RPS6KA5: variants seen among roughly 807,000 people sequenced by gnomAD.
The protein encoded by RPS6KA5 is ribosomal protein S6 kinase alpha-5.
In RPS6KA5, 27 loss-of-function variants were observed where a neutral mutation model predicts 85.5. The observed-to-expected ratio is 0.32, with a 90% CI of 0.23 to 0.44. The LOEUF (loss-of-function observed/expected upper bound fraction) is 0.44, where lower values mean the gene tolerates loss of function less well. Ranked by LOEUF, RPS6KA5 falls within the 20% of genes least tolerant of loss-of-function variation. RPS6KA5 has a pLI of 1.00. For synonymous variants in RPS6KA5, 334 were observed against 348.2 expected (o/e 0.96, Z 0.46); for missense variants, 811 against 980.9 (o/e 0.83, Z 2.31).
Position 90,854,686 on chromosome 14 carries a change from T to C in RPS6KA5, c.*17388A>G, listed in dbSNP as rs903178737. ...GACTCACTCAGTAAAAAATATACTA[T>C]ACTTACTACAAATACATTATCTTCT... On this transcript the variant is annotated 3_prime_UTR_variant, in exon 17 of 17. Coordinates refer to ENST00000614987, the MANE Select transcript of RPS6KA5 (RefSeq NM_004755.4). 2 of 152,188 alleles carry C rather than the reference T, an allele frequency of 1.3e-5. No homozygotes were observed. The highest frequency in any genetic ancestry group is 2.9e-5 in the Non-Finnish European group (2 of 68,014). The allele number at this position is 152,188 out of a possible 1,614,324, so 9.4% of individuals were successfully genotyped here.
chr14:90,875,320 T>C lies in RPS6KA5; in HGVS notation c.1877A>G (p.Asp626Gly). The change falls in exon 15 of 17, where the codon GAC becomes GGC. Residue 626 changes from aspartate (D) to glycine (G), a missense_variant. Physicochemically the swap from Asp to Gly is moderately conservative, Grantham distance 94. This residue lies in a region of RPS6KA5 where 650 missense variants were observed against 793.4 expected (regional missense o/e 0.82). Coordinates refer to ENST00000614987, the MANE Select transcript of RPS6KA5 (RefSeq NM_004755.4). ...CGCGCTGGTACACGTCAAACTTCGG[T>C]CATGAGATTGGAAGGGAACCTGTCC... ...LSGQVPFQSH[D>G]RSLTCTSAVE... 6.2e-7 allele frequency: 1 copy of C among 1,613,948 alleles called. No homozygotes were observed. The highest frequency in any genetic ancestry group is 1.1e-5 in the South Asian group (1 of 91,060).
intron 1 of RPS6KA5, among the ~76,000 whole-genome samples, chr14:91,034,314 A>T (rs1289984368): frequency 6.6e-6 from 1 of 152,068 alleles, no homozygotes; most frequent in Non-Finnish European, 1.5e-5. Flanking sequence ...CTCAAAAAAA[A>T]AAAAAAAAGA....
At chr14:90,890,374 G>T in intron 14 of RPS6KA5, 113 bp downstream of exon 14, 3 of 862,840 alleles carry the variant, frequency 3.5e-6, no homozygotes, top group Non-Finnish European at 5.0e-6. Context: ...GTACAGAAAA[G>T]AAACCACTTT....
chr14:90,982,053 T>G (rs2039811315), intron 2 of RPS6KA5, among the ~76,000 whole-genome samples: 2 of 152,244 alleles, frequency 1.3e-5, no homozygotes, highest in Non-Finnish European at 2.9e-5. Context: ...TGAATAATGC[T>G]ATCTATTCCA....
rs2032618983 is a variant in RPS6KA5, at chr14:90,862,672, CAGGCTGG to C, written c.*9395_*9401del. On this transcript the variant is annotated 3_prime_UTR_variant, in exon 17 of 17. Transcript: ENST00000614987. ...AGAGATGAGGTCTCTCTATGTTGCCCAGGCTGGTCTCCAACTCCTGGGCTAAAGCAAT... is the reference window on the plus strand; with the variant it reads ...AGAGATGAGGTCTCTCTATGTTGCCCTCTCCAACTCCTGGGCTAAAGCAAT... The C allele has an allele frequency of 6.6e-6, 1 of 152,164 alleles. No homozygotes were observed. The highest frequency in any genetic ancestry group is 2.4e-5 in the African/African-American group (1 of 41,402). The allele number at this position is 152,164 out of a possible 1,614,324, so 9.4% of individuals were successfully genotyped here. A position where few individuals can be genotyped will look rare whatever the true frequency, so the allele number is the denominator to read the frequency against.
chr14:91,017,567 C>G (rs1459377173), intron 1 of RPS6KA5, among the ~76,000 whole-genome samples: 1 of 152,166 alleles, frequency 6.6e-6, no homozygotes, highest in East Asian at 1.9e-4. Flanking sequence ...ATGCCAATTC[C>G]TTGCAGGGCT....
intron 3 of RPS6KA5, among the ~76,000 whole-genome samples, chr14:90,961,556 T>C (rs1010913564): frequency 5.9e-5 from 9 of 152,208 alleles, no homozygotes; most frequent in African/African-American, 2.2e-4. Context: ...CCAATAATTC[T>C]ATATATCTTA....
chr14:90,978,637 G>A lies in RPS6KA5; in HGVS notation c.176-113C>T, dbSNP rs191240193. ...AAAAATACACTCTTTAAAGGAAAAA[G>A]TACCCTTGGTACCAGTTCAAATAGT... On this transcript the variant is annotated intron_variant, in intron 2 of 16. Coordinates refer to ENST00000614987, the MANE Select transcript of RPS6KA5 (RefSeq NM_004755.4). 302 of 695,104 alleles carry A rather than the reference G, an allele frequency of 4.3e-4. 2 individuals carry two copies. The highest frequency in any genetic ancestry group is 3.3e-3 in the Admixed American group (104 of 31,458). The allele number at this position is 695,104 out of a possible 1,614,324, so 43.1% of individuals were successfully genotyped here. A position where few individuals can be genotyped will look rare whatever the true frequency, so the allele number is the denominator to read the frequency against.
At chr14:90,890,454 G>A (rs780319879) in intron 14 of RPS6KA5, 33 bp downstream of exon 14, 2 of 1,528,808 alleles carry the variant, frequency 1.3e-6, no homozygotes, top group Non-Finnish European at 1.8e-6. Context: ...AAAGAAATAA[G>A]CAGGTTTAAT....
At chr14:90,962,585 C>T (rs2038861634) in intron 3 of RPS6KA5, among the ~76,000 whole-genome samples, 1 of 149,838 alleles carries the variant, frequency 6.7e-6, no homozygotes, top group Admixed American at 6.6e-5. Context: ...CCATGCCCGG[C>T]CTAGATTTTT....
At chr14:90,965,264 A>C (rs1404147299) in intron 3 of RPS6KA5, among the ~76,000 whole-genome samples, 1 of 152,080 alleles carries the variant, frequency 6.6e-6, no homozygotes, top group Non-Finnish European at 1.5e-5. Flanking sequence ...GGGCACCTGT[A>C]ATCCCAGGTA....
intron 3 of RPS6KA5, among the ~76,000 whole-genome samples, chr14:90,954,774 T>C (rs2038413843): frequency 6.6e-6 from 1 of 152,228 alleles, no homozygotes; most frequent in Non-Finnish European, 1.5e-5. Context: ...TACTTGTCTA[T>C]TCAGAAGTTG....
intron 1 of RPS6KA5, among the ~76,000 whole-genome samples, chr14:91,036,495 C>A (rs966050863): frequency 1.3e-5 from 2 of 152,132 alleles, no homozygotes; most frequent in Admixed American, 6.5e-5. Flanking sequence ...ACAAACAGAT[C>A]CATGCACACA....
At chr14:90,968,294 T>TCCTC (rs796642520) in intron 3 of RPS6KA5, among the ~76,000 whole-genome samples, 70 of 152,066 alleles carry the variant, frequency 4.6e-4, no homozygotes, top group African/African-American at 1.6e-3. Flanking sequence ...CCCTCCTCTC[T>TCCTC]CCTCCCTCCC....
rs543409817 is a variant in RPS6KA5, at chr14:90,872,121, T to C, written c.2362A>G (p.Ser788Gly). The C allele has an allele frequency of 1.7e-5, 27 of 1,613,738 alleles. No homozygotes were observed. The South Asian group carries it at 2.6e-4, about 16-fold the overall frequency. ...KTLQPSNPAD[S>G]NNPETLFQFS... ...TGGAAGAGGGTCTCCGGGTTATTGCTGTCGGCAGGATTGCTGGGCTGCAGT... is the reference window on the plus strand; with the variant it reads ...TGGAAGAGGGTCTCCGGGTTATTGCCGTCGGCAGGATTGCTGGGCTGCAGT... The change falls in exon 17 of 17, where the codon AGC (serine) becomes GGC (glycine). Residue 788 changes from serine to glycine, a missense_variant. Around this residue, in one of 3 missense-constraint regions of RPS6KA5, gnomAD observed 650 missense variants for 793.4 expected, o/e 0.82. Coordinates refer to ENST00000614987, the MANE Select transcript of RPS6KA5 (RefSeq NM_004755.4).
chr14:90,895,149 T>C (rs1286137), intron 12 of RPS6KA5, among the ~76,000 whole-genome samples: 58,560 of 151,468 alleles, frequency 0.39, 12,209 homozygotes, highest in East Asian at 0.6. Flanking sequence ...GGTGTGCCCA[T>C]GTGAGGCCTG....
chr14:90,982,845 G>A (rs1460732050), intron 2 of RPS6KA5, among the ~76,000 whole-genome samples: 1 of 152,172 alleles, frequency 6.6e-6, no homozygotes, highest in Non-Finnish European at 1.5e-5. Flanking sequence ...CAGGCGCGGT[G>A]GTTCACGCCT....
At chr14:90,939,433 C>T (rs894974582) in intron 5 of RPS6KA5, among the ~76,000 whole-genome samples, 1 of 152,144 alleles carries the variant, frequency 6.6e-6, no homozygotes, top group Admixed American at 6.6e-5. Context: ...CAGCAGCACC[C>T]CACTCGTGGT....
intron 1 of RPS6KA5, among the ~76,000 whole-genome samples, chr14:91,027,554 C>A (rs2042029840): frequency 6.6e-6 from 1 of 152,190 alleles, no homozygotes; most frequent in Non-Finnish European, 1.5e-5. Flanking sequence ...ACTTTCTACA[C>A]AGGAGGTTTT....
Sources: allele counts gnomAD v4.1 joint callset (sites outside exome capture counted in the v4.1 genomes callset), GRCh38; gene constraint gnomAD v4.1.1; regional missense constraint gnomAD v4.1.1; transcripts MANE v1.5; gene names NCBI Gene and HGNC (gene_info 2026-07-23, HGNC 2026-07-21).